The following NTRK3 variants were observed in gnomAD, a reference collection of about 807,000 sequenced individuals.
NTRK3 encodes NT-3 growth factor receptor.
Under a neutral mutation model 91.7 loss-of-function variants are expected in NTRK3, and 24 were observed. The ratio of observed to expected loss-of-function variants is 0.26; its 90% confidence interval spans 0.19 to 0.37. NTRK3 has a LOEUF of 0.37. Among genes scored for constraint, NTRK3 ranks in the 10% least tolerant of loss-of-function variants. The probability of loss-of-function intolerance (pLI) is 1.00; values close to 1 mark genes in which losing one functional copy is unlikely to be tolerated. For synonymous variants in NTRK3, 483 were observed against 404.0 expected (o/e 1.20, Z -2.34); for missense variants, 880 against 1,068.9 (o/e 0.82, Z 2.46).
chr15:88,127,163 C>A, exon 12 of NTRK3: 2 of 1,613,716 alleles, frequency 1.2e-6, no homozygotes, highest in African/African-American at 1.3e-5. Flanking sequence ...GTGACTCACC[C>A]CAAAAGTGTC....
At chr15:88,119,476 T>C (rs998466799) in intron 13 of NTRK3, among the ~76,000 whole-genome samples, 1 of 152,144 alleles carries the variant, frequency 6.6e-6, no homozygotes, top group Admixed American at 6.5e-5. Flanking sequence ...GTCTGTCAAA[T>C]GTCAGAAAAG....
chr15:87,865,868 A>G (rs1045622850), exon 19 of NTRK3: 5 of 229,136 alleles, frequency 2.2e-5, no homozygotes, highest in Non-Finnish European at 3.5e-5. Flanking sequence ...CCATCACTAG[A>G]TACTCAAAGC....
intron 13 of NTRK3, among the ~76,000 whole-genome samples, chr15:88,067,517 T>C (rs980625808): frequency 6.6e-6 from 1 of 152,196 alleles, no homozygotes; most frequent in African/African-American, 2.4e-5. Context: ...AAAAGCACGA[T>C]GTGATTCTAC....
chr15:88,249,762 G>A (rs113443598), intron 3 of NTRK3, among the ~76,000 whole-genome samples: 23 of 152,228 alleles, frequency 1.5e-4, no homozygotes, highest in African/African-American at 5.3e-4. Context: ...AACACACCGG[G>A]CCACCAGGAG....
At chr15:87,953,591 T>C (rs996809999) in intron 14 of NTRK3, among the ~76,000 whole-genome samples, 3 of 152,150 alleles carry the variant, frequency 2.0e-5, no homozygotes, top group Non-Finnish European at 4.4e-5. Context: ...AGCTAATGAA[T>C]GGCCACCTCT....
intron 13 of NTRK3, chr15:88,072,603 GA>G (rs2047188475): frequency 4.3e-6 from 1 of 232,372 alleles, no homozygotes; most frequent in Non-Finnish European, 8.5e-6. Context: ...AGGCCATCTA[GA>G]AATAAACACA....
At chr15:87,976,790 C>A (rs1298792545) in intron 14 of NTRK3, among the ~76,000 whole-genome samples, 1 of 152,158 alleles carries the variant, frequency 6.6e-6, no homozygotes, top group East Asian at 1.9e-4. Flanking sequence ...AGTGTGTTGA[C>A]CTGTACGCCC....
chr15:88,193,454 C>T (rs1258872751), intron 3 of NTRK3, among the ~76,000 whole-genome samples: 4 of 152,084 alleles, frequency 2.6e-5, no homozygotes, highest in Non-Finnish European at 4.4e-5. Flanking sequence ...GTAGGAGGGC[C>T]CTACACACCA....
rs1353855459 is a variant in NTRK3 at position 88,240,457 on chromosome 15, C to T, written c.248+15449G>A. On this transcript the variant is annotated intron_variant, in intron 3 of 18. Transcript: ENST00000394480. The surrounding 1 kb of genome is among the most constrained non-coding windows in gnomAD (Gnocchi z 4.9). ...TCAAGGATCTCAAACTCCACTGAGT[C>T]CCAAGGGCCCCTTCTACCCCACCCT... 6.6e-6 allele frequency among the ~76,000 whole-genome samples: 1 copy of T among 152,160 alleles called. No homozygotes were observed. Among genetic ancestry groups the T allele is most frequent in the East Asian group, 1.9e-4 (1 of 5,198 alleles).
In NTRK3 at chr15:87,864,179, T is replaced by C. The variant is rs190426720; in HGVS notation, c.*12756A>G. ...CTTTCCTTTCATTTTAATTTGACAGTTCCTCAAGCTAATCCACCATGGCCC... is the reference window on the plus strand; with the variant it reads ...CTTTCCTTTCATTTTAATTTGACAGCTCCTCAAGCTAATCCACCATGGCCC... On this transcript the variant is annotated 3_prime_UTR_variant, in exon 19 of 19. Coordinates refer to ENST00000394480, the Ensembl canonical transcript of NTRK3. 46 of 232,724 alleles carry C rather than the reference T, an allele frequency of 2.0e-4. No homozygotes were observed. In the Admixed American group the frequency reaches 2.0e-3, roughly 10 times the overall value. 14.4% of individuals were successfully genotyped at this position (232,724 alleles called of 1,614,324 possible).
chr15:88,032,634 C>A (rs2078651847), intron 14 of NTRK3, among the ~76,000 whole-genome samples: 1 of 152,096 alleles, frequency 6.6e-6, no homozygotes, highest in African/African-American at 2.4e-5. Context: ...AAAAGGGAAG[C>A]AGATTCAGAC....
chr15:88,168,106 G>C (rs887840627), intron 5 of NTRK3, among the ~76,000 whole-genome samples: 1 of 152,144 alleles, frequency 6.6e-6, no homozygotes, highest in Non-Finnish European at 1.5e-5. Flanking sequence ...CAAAACTTGT[G>C]TCTTCAATCA....
At chr15:87,989,788 G>A (rs887291931) in intron 14 of NTRK3, among the ~76,000 whole-genome samples, 1 of 151,934 alleles carries the variant, frequency 6.6e-6, no homozygotes, top group African/African-American at 2.4e-5. Context: ...TGTATTTTTA[G>A]TAGAGATGTG....
chr15:87,924,966 A>G (rs180895513), intron 17 of NTRK3, among the ~76,000 whole-genome samples: 1 of 152,226 alleles, frequency 6.6e-6, no homozygotes, highest in East Asian at 1.9e-4. Flanking sequence ...ACATCTGAAA[A>G]CATCTGTATT....
chr15:88,038,188 C>G (rs534068690), intron 13 of NTRK3, among the ~76,000 whole-genome samples: 1 of 152,276 alleles, frequency 6.6e-6, no homozygotes, highest in African/African-American at 2.4e-5. Context: ...ATTAGACTCA[C>G]CCAGATAGAT....
intron 8 of NTRK3, 42 bp from the exon 9 acceptor site, chr15:88,136,082 C>T (rs747839238): frequency 1.2e-6 from 2 of 1,612,260 alleles, no homozygotes; most frequent in Non-Finnish European, 1.7e-6. Flanking sequence ...ATAGCTTCTA[C>T]AAGGATGGCT....
intron 3 of NTRK3, among the ~76,000 whole-genome samples, chr15:88,215,092 G>A (rs558502853): frequency 6.6e-6 from 1 of 152,214 alleles, no homozygotes; most frequent in African/African-American, 2.4e-5. Flanking sequence ...AGGTATCTGG[G>A]TTCCCTCACC....
At chr15:87,893,994 A>G (rs1158568868) in intron 17 of NTRK3, among the ~76,000 whole-genome samples, 1 of 152,218 alleles carries the variant, frequency 6.6e-6, no homozygotes, top group Non-Finnish European at 1.5e-5. Context: ...TTAATGATAA[A>G]TGGTCTATCA....
intron 17 of NTRK3, among the ~76,000 whole-genome samples, chr15:87,919,142 T>C (rs1164800546): frequency 6.6e-6 from 1 of 152,040 alleles, no homozygotes; most frequent in Non-Finnish European, 1.5e-5. Context: ...AGATGAGAAA[T>C]GTCCACTTTA....
Sources: allele counts gnomAD v4.1 joint callset (sites outside exome capture counted in the v4.1 genomes callset), GRCh38; gene constraint gnomAD v4.1.1; non-coding constraint Gnocchi (gnomAD v3.1); transcripts MANE v1.5; gene names NCBI Gene and HGNC (gene_info 2026-07-23, HGNC 2026-07-21).